The following IL2RB variants were observed in gnomAD, a reference collection of about 807,000 sequenced individuals.
IL2RB encodes interleukin-2 receptor subunit beta.
A neutral mutation model predicts 44.2 loss-of-function variants in IL2RB; 17 were observed. The ratio of observed to expected loss-of-function variants is 0.38; its 90% CI spans 0.26 to 0.58. The LOEUF is 0.58. Among genes scored for constraint, IL2RB ranks in the 20% least tolerant of loss-of-function variants. The pLI is 0.63. For synonymous variants in IL2RB, 286 were observed against 297.9 expected, an observed-to-expected ratio of 0.96 and a Z score of 0.41; for missense variants, 624 against 685.5, an observed-to-expected ratio of 0.91 and a Z score of 1.00.
chr22:37,154,689 C>T (rs1312527219), upstream of IL2RB, among the ~76,000 whole-genome samples: 1 of 151,888 alleles, frequency 6.6e-6, no homozygotes, highest in African/African-American at 2.4e-5. Context: ...AATTCTCCTG[C>T]CTCAGCTTCC....
At chr22:37,139,822 A>G (rs1921878215) in intron 4 of IL2RB, among the ~76,000 whole-genome samples, 1 of 152,228 alleles carries the variant, frequency 6.6e-6, no homozygotes. Flanking sequence ...CACAGCATCC[A>G]TCCCATGGTA....
At chr22:37,155,556 G>A (rs1922650909) in intron 1 of IL2RB, among the ~76,000 whole-genome samples, 1 of 152,178 alleles carries the variant, frequency 6.6e-6, no homozygotes, top group South Asian at 2.1e-4. Context: ...CATTTTACAG[G>A]CCAGGAAACC....
chr22:37,131,174 AAAT>A (rs1921404771), intron 9 of IL2RB, among the ~76,000 whole-genome samples: 1 of 26,930 alleles, frequency 3.7e-5, no homozygotes, highest in Admixed American at 3.5e-4. Context: ...CTCAAAAAAT[AAAT>A]AAATAAATAA....
chr22:37,144,230 G>GCC (rs1245283327), intron 1 of IL2RB, 25 bp from the exon 2 acceptor site: 1 of 1,527,912 alleles, frequency 6.5e-7, no homozygotes, highest in African/African-American at 1.4e-5. Flanking sequence ...GAAAGAGAGA[G>GCC]CACACGTAAA....
intron 1 of IL2RB, among the ~76,000 whole-genome samples, chr22:37,174,476 G>A (rs571043316): frequency 5.3e-5 from 8 of 152,230 alleles, no homozygotes; most frequent in South Asian, 4.1e-4. Flanking sequence ...AAAGCACCAC[G>A]CTCAGATCAG....
intron 1 of IL2RB, among the ~76,000 whole-genome samples, chr22:37,155,461 T>G (rs1460890539): frequency 2.0e-5 from 3 of 152,246 alleles, no homozygotes; most frequent in Non-Finnish European, 4.4e-5. Flanking sequence ...CTACAGGGAC[T>G]GCCCCATCTT....
rs145183586 is a variant in IL2RB, at chr22:37,167,495, C to T, written c.-34+7463G>A. Among the ~76,000 whole-genome samples the T allele has an allele frequency of 3.3e-3, 505 of 152,368 alleles. 1 individual carries two copies. The highest frequency in any genetic ancestry group is 3.9e-3 in the Non-Finnish European group (264 of 68,044). On this transcript the variant is annotated intron_variant, in intron 1 of 5. Transcript: ENST00000429622. ...CCTCGCCATGGAAAGCCCAGGCCTG[C>T]GGCCTCTCTGGCTTCTTCTCTCCCT...
Position 37,135,431 on chromosome 22 carries a change from C to T in IL2RB, c.715G>A (p.Asp239Asn), listed in dbSNP as rs1921637189. The stretch of plus-strand genomic sequence containing the variant: ...AGGTGGCCGAGCCACGGAATGGTGT[C>T]CTTCCCAAGGGCTGCCCAGGGGTGG... The part of the protein sequence containing the change: ...FRTKPAALGK[D>N]TIPWLGHLLV... Residue 239 changes from aspartate to asparagine, a missense_variant, in exon 8 of 10, where the codon GAC becomes AAC. Physicochemically the swap from Asp to Asn is conservative, Grantham distance 23. Coordinates refer to ENST00000216223, the MANE Select transcript of IL2RB (RefSeq NM_000878.5). 6.2e-7 allele frequency: 1 copy of T among 1,611,864 alleles called. No individual in the cohort carries two copies. Among genetic ancestry groups the T allele is most frequent in the South Asian group, 1.1e-5 (1 of 91,044 alleles).
intron 2 of IL2RB, among the ~76,000 whole-genome samples, chr22:37,143,884 C>CCTGTGTGT (rs1236054029): frequency 6.4e-5 from 9 of 139,896 alleles, no homozygotes; most frequent in African/African-American, 2.0e-4. Context: ...CTTGGAGAGG[C>CCTGTGTGT]GTGTGTGTGT....
At chr22:37,170,107 TGGATGGATG>T (rs1923230494) in intron 1 of IL2RB, among the ~76,000 whole-genome samples, 2 of 150,540 alleles carry the variant, frequency 1.3e-5, no homozygotes, top group Admixed American at 1.3e-4. Flanking sequence ...GATGGATGGA[TGGATGGATG>T]GATGGATGGA....
chr22:37,147,174 G>C (rs1172463552), intron 1 of IL2RB, among the ~76,000 whole-genome samples: 1 of 152,184 alleles, frequency 6.6e-6, no homozygotes, highest in Non-Finnish European at 1.5e-5. Context: ...TGTAAGCCAG[G>C]CTCCATTTAA....
At chr22:37,133,693 G>A (rs1390302269) in intron 8 of IL2RB, among the ~76,000 whole-genome samples, 1 of 152,178 alleles carries the variant, frequency 6.6e-6, no homozygotes, top group Admixed American at 6.5e-5. Context: ...GGGCGAAGTG[G>A]ATCCTGTCCC....
rs558269073 is a variant in IL2RB, at chr22:37,164,104, C to A, written c.-34+10854G>T. Among the ~76,000 whole-genome samples the A allele has an allele frequency of 2.0e-5, 3 of 152,194 alleles. No individual in the cohort carries two copies. The East Asian group carries it at 5.8e-4, about 29-fold the overall frequency. ...ACACGTGAGGGTGCGTGAGGAGAGG[C>A]GGCCTGCAGAGCAGAGCGGAAAGCA... On this transcript the variant is annotated intron_variant, in intron 1 of 5. Transcript: ENST00000429622.
At chr22:37,159,456 C>A in intron 1 of IL2RB, among the ~76,000 whole-genome samples, 1 of 152,092 alleles carries the variant, frequency 6.6e-6, no homozygotes, top group Admixed American at 6.5e-5. Context: ...ACCCTGAACT[C>A]CTCCGAGCGG....
chr22:37,154,558 T>C (rs1922608700), upstream of IL2RB, among the ~76,000 whole-genome samples: 1 of 151,004 alleles, frequency 6.6e-6, no homozygotes, highest in African/African-American at 2.4e-5. Flanking sequence ...TTAATCCCTC[T>C]ATCTCTCTTT....
intron 5 of IL2RB, among the ~76,000 whole-genome samples, chr22:37,138,071 G>A (rs1428610414): frequency 6.6e-6 from 1 of 152,204 alleles, no homozygotes; most frequent in Non-Finnish European, 1.5e-5. Context: ...CAGGGACTTG[G>A]TTGTCTGCTG....
In IL2RB at chr22:37,136,383, A is replaced by T; in HGVS notation, c.548T>A (p.Leu183Gln). The stretch of plus-strand genomic sequence containing the variant: ...TTCCTGCTTCTGCTTGAGAGTCAGC[A>T]GGGGGGCCTCCTGGGTCGGAGACAG... ...SPGHTWEEAP[L>Q]LTLKQKQEWI... Residue 183 changes from leucine to glutamine, a missense_variant, in exon 7 of 10, where the codon CTG becomes CAG. Leu to Gln is a moderately radical substitution (Grantham distance 113). Coordinates refer to ENST00000216223, the MANE Select transcript of IL2RB (RefSeq NM_000878.5). The T allele has an allele frequency of 6.2e-7, 1 of 1,609,590 alleles. No individual in the cohort carries two copies. Among genetic ancestry groups the T allele is most frequent in the Non-Finnish European group, 8.5e-7 (1 of 1,178,310 alleles).
At chr22:37,143,386 C>T (rs1922060021) in intron 3 of IL2RB, 135 bp downstream of exon 3, 1 of 623,082 alleles carries the variant, frequency 1.6e-6, no homozygotes, top group East Asian at 2.8e-5. Flanking sequence ...GGCCCCAACT[C>T]CTGTGATTCA....
At chr22:37,174,336 T>C (rs1923383487) in intron 1 of IL2RB, among the ~76,000 whole-genome samples, 1 of 152,140 alleles carries the variant, frequency 6.6e-6, no homozygotes, top group South Asian at 2.1e-4. Flanking sequence ...GAGATAACAT[T>C]CATAGGTCAC....
Sources: allele counts gnomAD v4.1 joint callset (sites outside exome capture counted in the v4.1 genomes callset), GRCh38; gene constraint gnomAD v4.1.1; transcripts MANE v1.5; gene names NCBI Gene and HGNC (gene_info 2026-07-23, HGNC 2026-07-21).